The following DYNLRB2 variants were observed in gnomAD, a reference collection of about 807,000 sequenced individuals.
DYNLRB2 encodes dynein light chain roadblock-type 2.
A neutral mutation model predicts 12.6 loss-of-function variants in DYNLRB2; 14 were observed. That is an observed-to-expected ratio of 1.11 (90% CI 0.73 to 1.73). The LOEUF is 1.73. Among genes scored for constraint, DYNLRB2 ranks in the 40% most tolerant of loss-of-function variants. The pLI is 0.00. For missense variants in DYNLRB2, 142 were observed against 117.7 expected (o/e 1.21, Z -0.95); for synonymous variants, 53 against 37.0 (o/e 1.43, Z -1.57).
chr16:80,549,366 G>T (rs1016972213), intron 2 of DYNLRB2, 118 bp from the exon 3 acceptor site: 1 of 1,026,062 alleles, frequency 9.7e-7, no homozygotes, highest in Non-Finnish European at 1.3e-6. Flanking sequence ...ACCAGAGAGG[G>T]ATAAGCCATC....
intron 2 of DYNLRB2, among the ~76,000 whole-genome samples, chr16:80,545,040 G>T (rs552771961): frequency 1.9e-4 from 29 of 152,226 alleles, no homozygotes; most frequent in African/African-American, 6.7e-4. Flanking sequence ...TTGGGGATTT[G>T]GGGGGTCTAG....
chr16:80,548,498 CG>C (rs2142313880), intron 2 of DYNLRB2, among the ~76,000 whole-genome samples: 1 of 152,204 alleles, frequency 6.6e-6, no homozygotes, highest in Non-Finnish European at 1.5e-5. Flanking sequence ...AGGCATGAGG[CG>C]GGTGGATTAC....
At chr16:80,550,108 C>T (rs1206536585) in intron 3 of DYNLRB2, among the ~76,000 whole-genome samples, 2 of 152,168 alleles carry the variant, frequency 1.3e-5, no homozygotes, top group African/African-American at 4.8e-5. Context: ...ATTAGGTTCG[C>T]AATATTACAA....
chr16:80,550,702 T>A lies in DYNLRB2; in HGVS notation c.*144T>A. Reference sequence around the variant, plus strand: ...ATCTAAACTGTTCTGCATGTCTCATTTAGTCCCTTTTGATTATATTGTGAA... The same window carrying A: ...ATCTAAACTGTTCTGCATGTCTCATATAGTCCCTTTTGATTATATTGTGAA... On this transcript the variant is annotated 3_prime_UTR_variant, in exon 4 of 4. Coordinates refer to ENST00000305904, the MANE Select transcript of DYNLRB2 (RefSeq NM_130897.3). The A allele has an allele frequency of 1.2e-6, 1 of 859,468 alleles. No individual in the cohort carries two copies. Among genetic ancestry groups the A allele is most frequent in the Admixed American group, 2.3e-5 (1 of 43,758 alleles). 53.2% of individuals were successfully genotyped at this position (859,468 alleles called of 1,614,324 possible). A position where few individuals can be genotyped will look rare whatever the true frequency, so the allele number is the denominator to read the frequency against.
chr16:80,550,695 G>A lies in DYNLRB2; in HGVS notation c.*137G>A. On this transcript the variant is annotated 3_prime_UTR_variant, in exon 4 of 4. Transcript: ENST00000305904. ...TTTCTATATCTAAACTGTTCTGCAT[G>A]TCTCATTTAGTCCCTTTTGATTATA... is the stretch of plus-strand genomic sequence containing the variant. The A allele has an allele frequency of 2.2e-6, 2 of 895,254 alleles. No individual in the cohort carries two copies. The highest frequency in any genetic ancestry group is 2.6e-5 in the East Asian group (1 of 39,050). The allele number at this position is 895,254 out of a possible 1,614,324, so 55.5% of individuals were successfully genotyped here.
upstream of DYNLRB2, chr16:80,540,807 C>T (rs75009985): frequency 3.1e-5 from 22 of 707,508 alleles, no homozygotes; most frequent in South Asian, 3.3e-4. Flanking sequence ...TGACCCACTT[C>T]CCTCTTCCCT....
chr16:80,549,616 T>A lies in DYNLRB2; in HGVS notation c.212T>A (p.Ile71Asn). The A allele has an allele frequency of 1.2e-6, 2 of 1,611,980 alleles. No homozygotes were observed. The highest frequency in any genetic ancestry group is 1.7e-6 in the Non-Finnish European group (2 of 1,178,418). ...DPQNDLTFLR[I>N]RSKKHEIMVA... ...CAGAACGACCTGACTTTTCTTAGGA[T>A]CAGATCAAAGAAACATGAAATCATG... is the stretch of plus-strand genomic sequence containing the variant. The change falls in exon 3 of 4, where the codon ATC (isoleucine) becomes AAC (asparagine). Residue 71 changes from isoleucine (I) to asparagine (N), a missense_variant. Ile to Asn is a moderately radical substitution (Grantham distance 149). Transcript: ENST00000305904.
At chr16:80,546,025 C>T (rs1469813514) in intron 2 of DYNLRB2, among the ~76,000 whole-genome samples, 3 of 152,240 alleles carry the variant, frequency 2.0e-5, no homozygotes, top group African/African-American at 2.4e-5. Flanking sequence ...TATTAGAATT[C>T]AGGACACTTT....
At chr16:80,543,475 C>G (rs1418601751) in intron 2 of DYNLRB2, 124 bp downstream of exon 2, 7 of 862,456 alleles carry the variant, frequency 8.1e-6, no homozygotes, top group South Asian at 1.8e-5. Context: ...TATTTTAGCT[C>G]TGGCATTCAC....
At chr16:80,542,668 G>C (rs961181639) in intron 1 of DYNLRB2, among the ~76,000 whole-genome samples, 1 of 152,098 alleles carries the variant, frequency 6.6e-6, no homozygotes, top group African/African-American at 2.4e-5. Flanking sequence ...ATAGATTCCA[G>C]AATAATCACT....
chr16:80,546,736 G>C (rs1262245487), intron 2 of DYNLRB2, among the ~76,000 whole-genome samples: 1 of 152,152 alleles, frequency 6.6e-6, no homozygotes, highest in Non-Finnish European at 1.5e-5. Context: ...GATTTCTACA[G>C]GCTCTTAATT....
At chr16:80,545,463 C>T (rs1904393916) in intron 2 of DYNLRB2, among the ~76,000 whole-genome samples, 1 of 151,996 alleles carries the variant, frequency 6.6e-6, no homozygotes, top group Non-Finnish European at 1.5e-5. Context: ...ACAAAGCGGT[C>T]ACCGGCATGT....
chr16:80,549,746 A>T, intron 3 of DYNLRB2, 95 bp downstream of exon 3: 1 of 1,260,192 alleles, frequency 7.9e-7, no homozygotes, highest in Non-Finnish European at 1.1e-6. Context: ...ATTTTAGTAT[A>T]GAATATAAAA....
At chr16:80,545,666 C>CTTTTT (rs775659372) in intron 2 of DYNLRB2, among the ~76,000 whole-genome samples, 2 of 74,886 alleles carry the variant, frequency 2.7e-5, no homozygotes, top group African/African-American at 9.3e-5. Context: ...CCATTAGCTT[C>CTTTTT]TTTTTTTTTT....
Position 80,541,371 on chromosome 16 carries a change from G to A in DYNLRB2, c.3+292G>A, listed in dbSNP as rs371551215. On this transcript the variant is annotated intron_variant, in intron 1 of 3. Transcript: ENST00000305904. Reference sequence around the variant, plus strand: ...ATTCAGAGGATGAAGAATGCTCAGGGGAGTGAGAAATCCGGGGAGCCAGGA... The same window carrying A: ...ATTCAGAGGATGAAGAATGCTCAGGAGAGTGAGAAATCCGGGGAGCCAGGA... 221 of 984,738 alleles carry A rather than the reference G, an allele frequency of 2.2e-4. 5 individuals carry two copies. In the South Asian group the frequency reaches 9.6e-3, roughly 43 times the overall value. The allele number at this position is 984,738 out of a possible 1,614,324, so 61.0% of individuals were successfully genotyped here. A position where few individuals can be genotyped will look rare whatever the true frequency, so the allele number is the denominator to read the frequency against.
chr16:80,547,140 A>G (rs1904523650), intron 2 of DYNLRB2, among the ~76,000 whole-genome samples: 1 of 152,194 alleles, frequency 6.6e-6, no homozygotes, highest in African/African-American at 2.4e-5. Context: ...CACCCATTCA[A>G]CCGACTGTTA....
chr16:80,542,453 G>A (rs1394146524), intron 1 of DYNLRB2, among the ~76,000 whole-genome samples: 1 of 152,126 alleles, frequency 6.6e-6, no homozygotes, highest in Admixed American at 6.5e-5. Context: ...GTAACAAAAT[G>A]TTCACCTGTG....
intron 1 of DYNLRB2, among the ~76,000 whole-genome samples, chr16:80,542,611 A>G (rs1904297851): frequency 6.6e-6 from 1 of 152,238 alleles, no homozygotes; most frequent in Non-Finnish European, 1.5e-5. Context: ...AAGAAAACAT[A>G]CAATACACTC....
chr16:80,545,822 C>G (rs1904425086), intron 2 of DYNLRB2, among the ~76,000 whole-genome samples: 1 of 145,338 alleles, frequency 6.9e-6, no homozygotes, highest in African/African-American at 2.5e-5. Flanking sequence ...ACTACAGGCA[C>G]CCGCCACCAC....
Sources: gnomAD v4.1 joint callset for allele counts (sites outside exome capture counted in the v4.1 genomes callset) on GRCh38, gnomAD v4.1.1 for gene constraint, MANE v1.5 for transcripts, NCBI Gene and HGNC (gene_info 2026-07-23, HGNC 2026-07-21) for gene names.